SPATS2: variants seen among roughly 807,000 people sequenced by gnomAD.
The protein encoded by SPATS2 is spermatogenesis-associated serine-rich protein 2.
In SPATS2, 38 loss-of-function variants were observed where a neutral mutation model predicts 63.7. The observed-to-expected ratio is 0.60, with a 90% CI of 0.46 to 0.78. The LOEUF is 0.78. Among genes scored for constraint, SPATS2 ranks in the 30% least tolerant of loss-of-function variants. SPATS2 has a pLI of 0.00. For synonymous variants in SPATS2, 207 were observed against 232.9 expected, an observed-to-expected ratio of 0.89 and a Z score of 1.01; for missense variants, 588 against 666.2, an observed-to-expected ratio of 0.88 and a Z score of 1.29.
chr12:49,517,940 G>A (rs1946878148), intron 10 of SPATS2, among the ~76,000 whole-genome samples: 1 of 152,250 alleles, frequency 6.6e-6, no homozygotes, highest in Non-Finnish European at 1.5e-5. Flanking sequence ...CTTTGCTACA[G>A]TCCTCCACTA....
chr12:49,426,084 C>T (rs968781854), intron 2 of SPATS2, among the ~76,000 whole-genome samples: 1 of 152,180 alleles, frequency 6.6e-6, no homozygotes, highest in Non-Finnish European at 1.5e-5. Flanking sequence ...GCCTTTTAGC[C>T]TACCAGTGTT....
intron 2 of SPATS2, among the ~76,000 whole-genome samples, chr12:49,400,850 T>C (rs886511000): frequency 3.3e-5 from 5 of 152,098 alleles, no homozygotes; most frequent in African/African-American, 1.2e-4. Context: ...ATGTGAGAAC[T>C]GTTTAGTATG....
intron 2 of SPATS2, among the ~76,000 whole-genome samples, chr12:49,401,669 CT>C (rs1464164061): frequency 6.6e-6 from 1 of 152,018 alleles, no homozygotes; most frequent in Non-Finnish European, 1.5e-5. Context: ...GTTTCTTTTT[CT>C]TTTCTTTTTT....
intron 2 of SPATS2, among the ~76,000 whole-genome samples, chr12:49,373,732 C>T (rs529895295): frequency 6.6e-6 from 1 of 152,260 alleles, no homozygotes; most frequent in African/African-American, 2.4e-5. Flanking sequence ...CTAGACCTGC[C>T]TGGTCAATAT....
chr12:49,445,933 C>G (rs1420061693), intron 2 of SPATS2, among the ~76,000 whole-genome samples: 1 of 152,064 alleles, frequency 6.6e-6, no homozygotes, highest in Admixed American at 6.6e-5. Flanking sequence ...GAGACAGAGT[C>G]GCACTCTGTA....
intron 2 of SPATS2, among the ~76,000 whole-genome samples, chr12:49,411,180 CT>C (rs1944790859): frequency 6.6e-6 from 1 of 151,992 alleles, no homozygotes; most frequent in African/African-American, 2.4e-5. Flanking sequence ...CTTCTCTTTC[CT>C]TTTAGTTTCC....
intron 1 of SPATS2, among the ~76,000 whole-genome samples, chr12:49,370,071 A>T (rs2137127128): frequency 6.6e-6 from 1 of 152,330 alleles, no homozygotes; most frequent in Middle Eastern, 3.4e-3. Context: ...AGGCTAAGAC[A>T]GGAGGGAATT....
At chr12:49,409,992 T>G (rs1485566198) in intron 2 of SPATS2, among the ~76,000 whole-genome samples, 7 of 152,298 alleles carry the variant, frequency 4.6e-5, no homozygotes, top group South Asian at 4.2e-4. Flanking sequence ...ATACTGTGTG[T>G]GTAGAAAACA....
chr12:49,497,874 A>G (rs555723521), intron 8 of SPATS2, among the ~76,000 whole-genome samples: 1 of 152,096 alleles, frequency 6.6e-6, no homozygotes, highest in South Asian at 2.1e-4. Context: ...AATCATTTAA[A>G]CAAACAGCCA....
In SPATS2 at chr12:49,410,387, T is replaced by G. The variant is rs528060869; in HGVS notation, c.-244+39097T>G. Among the ~76,000 whole-genome samples, 3 of 152,270 alleles carry G rather than the reference T, an allele frequency of 2.0e-5. No homozygotes were observed. In the South Asian group the frequency reaches 6.3e-4, roughly 32 times the overall value. On this transcript the variant is annotated intron_variant, in intron 2 of 13. Coordinates refer to ENST00000552918, the MANE Select transcript of SPATS2 (RefSeq NM_023071.4). ...CACCGTGCCCAGCCTGTTCTATACA[T>G]GTTTGATGGCTGCACACCATGTATC...
At chr12:49,518,913 A>C (rs1481589377) in intron 10 of SPATS2, among the ~76,000 whole-genome samples, 160 bp from the exon 11 acceptor site, 1 of 152,210 alleles carries the variant, frequency 6.6e-6, no homozygotes, top group East Asian at 1.9e-4. Flanking sequence ...TCAGAGACCC[A>C]ATGGAAGGTA....
intron 2 of SPATS2, among the ~76,000 whole-genome samples, chr12:49,381,335 A>G (rs1056003768): frequency 6.6e-6 from 1 of 152,122 alleles, no homozygotes; most frequent in Admixed American, 6.5e-5. Context: ...CTAATACTAT[A>G]GTTGTAATTA....
rs1366675608 is a variant in SPATS2 at position 49,519,193 on chromosome 12, T to C, written c.1008+11T>C. On this transcript the variant is annotated intron_variant, in intron 11 of 13. Transcript: ENST00000552918. Reference sequence around the variant, plus strand: ...AGAGCTGATATCAAGGTAAAACTTCTTTCTGCTTTCTGCCTTTCTTCTTAT... The same window carrying C: ...AGAGCTGATATCAAGGTAAAACTTCCTTCTGCTTTCTGCCTTTCTTCTTAT... 1 of 1,602,116 alleles carries C rather than the reference T, an allele frequency of 6.2e-7. No individual in the cohort carries two copies. The highest frequency in any genetic ancestry group is 1.7e-5 in the Admixed American group (1 of 59,084).
At chr12:49,372,403 A>T (rs1944014012) in intron 2 of SPATS2, among the ~76,000 whole-genome samples, 1 of 152,134 alleles carries the variant, frequency 6.6e-6, no homozygotes, top group South Asian at 2.1e-4. Context: ...GTAGCACTTG[A>T]TGGTGCTTTC....
chr12:49,516,369 A>G (rs1330411780), intron 10 of SPATS2, among the ~76,000 whole-genome samples: 1 of 150,278 alleles, frequency 6.7e-6, no homozygotes, highest in Non-Finnish European at 1.5e-5. Flanking sequence ...TGAAATTAAA[A>G]AAAAAGAAGG....
intron 2 of SPATS2, chr12:49,387,126 G>C (rs1246046745): frequency 6.6e-6 from 1 of 152,266 alleles, no homozygotes; most frequent in Admixed American, 6.5e-5. Context: ...CCCAGGTCCA[G>C]TGGTATGAGA....
chr12:49,501,235 A>T (rs1378391622), intron 9 of SPATS2, among the ~76,000 whole-genome samples: 1 of 152,056 alleles, frequency 6.6e-6, no homozygotes, highest in Non-Finnish European at 1.5e-5. Flanking sequence ...GTGAATAGAG[A>T]TTTATTTTTT....
chr12:49,524,549 T>A (rs1592487313), intron 12 of SPATS2, 133 bp from the exon 13 acceptor site: 3 of 907,566 alleles, frequency 3.3e-6, no homozygotes, highest in Non-Finnish European at 4.9e-6. Context: ...TGTTACCAGT[T>A]TTATAGGTTT....
At chr12:49,484,767 A>G (rs1038347076) in intron 4 of SPATS2, 98 bp downstream of exon 4, 7 of 1,022,894 alleles carry the variant, frequency 6.8e-6, no homozygotes, top group Admixed American at 2.3e-5. Flanking sequence ...TGAGACTGAA[A>G]TTTTAAGAAT....
Sources: gnomAD v4.1 joint callset for allele counts (sites outside exome capture counted in the v4.1 genomes callset) on GRCh38, gnomAD v4.1.1 for gene constraint, MANE v1.5 for transcripts, NCBI Gene and HGNC (gene_info 2026-07-23, HGNC 2026-07-21) for gene names.